KCNAB1: variants seen among roughly 807,000 people sequenced by gnomAD.
KCNAB1 encodes the protein potassium voltage-gated channel subfamily A regulatory beta subunit 1.
Under a neutral mutation model 64.6 loss-of-function variants are expected in KCNAB1, and 35 were observed. The ratio of observed to expected loss-of-function variants is 0.54; its 90% CI spans 0.41 to 0.72. The LOEUF (loss-of-function observed/expected upper bound fraction) is 0.72, where lower values mean the gene tolerates loss of function less well. KCNAB1 is among the 30% of genes least tolerant of loss of function. The pLI is 0.00. For missense variants in KCNAB1, 401 were observed against 512.9 expected, an observed-to-expected ratio of 0.78 and a Z score of 2.11; for synonymous variants, 177 against 183.8, an observed-to-expected ratio of 0.96 and a Z score of 0.30.
chr3:156,167,880 A>G (rs1199639319), intron 1 of KCNAB1, among the ~76,000 whole-genome samples: 4 of 152,106 alleles, frequency 2.6e-5, no homozygotes, highest in African/African-American at 9.7e-5. Flanking sequence ...GAGGGGTTGG[A>G]CAGAATGCTC....
chr3:156,197,580 C>G (rs1576596710), intron 1 of KCNAB1, among the ~76,000 whole-genome samples: 2 of 152,032 alleles, frequency 1.3e-5, no homozygotes, highest in East Asian at 1.9e-4. Context: ...TCTAGATTTT[C>G]TAGTTTATTT....
rs1719166681 is a variant in KCNAB1 at position 156,537,919 on chromosome 3, A to T, written c.*1172A>T. 6.6e-6 allele frequency: 1 copy of T among 152,252 alleles called. No homozygotes were observed. The highest frequency in any genetic ancestry group is 2.4e-5 in the African/African-American group (1 of 41,458). 9.4% of individuals were successfully genotyped at this position (152,252 alleles called of 1,614,324 possible). A position where few individuals can be genotyped will look rare whatever the true frequency, so the allele number is the denominator to read the frequency against. ...TAAATTGACTTGCCTAGTGAAAAGC[A>T]AAATGTTAAAGAAAGAACTTCTGGT... On this transcript the variant is annotated 3_prime_UTR_variant, in exon 14 of 14. Transcript: ENST00000490337.
intron 1 of KCNAB1, among the ~76,000 whole-genome samples, chr3:156,292,742 C>G (rs796101258): frequency 5.2e-4 from 79 of 152,272 alleles, no homozygotes; most frequent in African/African-American, 1.8e-3. Flanking sequence ...GAGCTTTCAC[C>G]ATGTTGGCCA....
intron 7 of KCNAB1, among the ~76,000 whole-genome samples, chr3:156,469,932 T>C (rs1334758508): frequency 1.3e-5 from 2 of 152,230 alleles, no homozygotes; most frequent in African/African-American, 2.4e-5. Flanking sequence ...CTTGGTTCTG[T>C]GATGAAGGTG....
chr3:156,302,324 T>C (rs1265043732), intron 1 of KCNAB1, among the ~76,000 whole-genome samples: 2 of 152,168 alleles, frequency 1.3e-5, no homozygotes, highest in African/African-American at 4.8e-5. Flanking sequence ...GAAGGTAATA[T>C]GTGCGCAGTT....
intron 8 of KCNAB1, among the ~76,000 whole-genome samples, chr3:156,512,759 C>T (rs1040249895): frequency 6.6e-6 from 1 of 152,176 alleles, no homozygotes; most frequent in Non-Finnish European, 1.5e-5. Context: ...GAATGAACTT[C>T]ATAGTTTTAG....
At chr3:156,144,230 A>G (rs1173745963) in intron 1 of KCNAB1, among the ~76,000 whole-genome samples, 1 of 152,194 alleles carries the variant, frequency 6.6e-6, no homozygotes. Context: ...CAATTTAGCA[A>G]TTGTAAGAAC....
chr3:156,339,744 C>T (rs999887410), intron 1 of KCNAB1, among the ~76,000 whole-genome samples: 2 of 152,208 alleles, frequency 1.3e-5, no homozygotes, highest in Non-Finnish European at 2.9e-5. Flanking sequence ...GGCCATTGCA[C>T]ATCTGTGACC....
chr3:156,514,406 C>T lies in KCNAB1; in HGVS notation c.701C>T (p.Ala234Val), dbSNP rs1246455398. 1.2e-6 allele frequency: 2 copies of T among 1,613,852 alleles called. No individual in the cohort carries two copies. Among genetic ancestry groups the T allele is most frequent in the East Asian group, 2.2e-5 (1 of 44,896 alleles). Residue 234 changes from alanine to valine, a missense_variant, in exon 9 of 14, where the codon GCG becomes GTG. By Grantham distance (64) the Ala-to-Val change is moderately conservative (BLOSUM62 0). Transcript: ENST00000490337. ...ACACATGTGATAAACCAAGGCATGG[C>T]GATGTACTGGGGCACCTCGAGATGG... ...AMTHVINQGM[A>V]MYWGTSRWSA...
chr3:156,459,954 G>A (rs1471487016), intron 5 of KCNAB1, 83 bp downstream of exon 5: 8 of 923,834 alleles, frequency 8.7e-6, no homozygotes, highest in Non-Finnish European at 1.4e-5. Context: ...TATGACACCT[G>A]ACCAAAAGGC....
At chr3:156,137,224 G>A (rs868593670) in intron 1 of KCNAB1, among the ~76,000 whole-genome samples, 2 of 15,926 alleles carry the variant, frequency 1.3e-4, no homozygotes, top group African/African-American at 2.0e-4. Context: ...ATACATTGGT[G>A]GGGGGGGATT....
intron 12 of KCNAB1, among the ~76,000 whole-genome samples, chr3:156,525,577 G>A (rs951070397): frequency 3.3e-5 from 5 of 152,108 alleles, no homozygotes; most frequent in African/African-American, 9.7e-5. Context: ...GTGCAGTGGC[G>A]CGATCTCGGC....
intron 1 of KCNAB1, among the ~76,000 whole-genome samples, chr3:156,395,531 C>T: frequency 1.1e-5 from 1 of 88,190 alleles, no homozygotes. Context: ...GGCGACAGAG[C>T]GAGACTCCGT....
Position 156,143,313 on chromosome 3 carries a change from T to C in KCNAB1, c.275+22427T>C, listed in dbSNP as rs747752003. On this transcript the variant is annotated intron_variant, in intron 1 of 13. Transcript: ENST00000490337. ...CTCAGCCTCAGGCGGCCTGCAAACC[T>C]GTGAGGCCCAGTGGAGCAGCCGAAC... 7 of 1,613,148 alleles carry C rather than the reference T, an allele frequency of 4.3e-6. No homozygotes were observed. In the African/African-American group the frequency reaches 9.4e-5, roughly 22 times the overall value.
At chr3:156,188,999 T>C (rs1202941104) in intron 1 of KCNAB1, among the ~76,000 whole-genome samples, 1 of 152,206 alleles carries the variant, frequency 6.6e-6, no homozygotes, top group African/African-American at 2.4e-5. Context: ...AGGTCTCTTC[T>C]TGGATCTGGA....
intron 1 of KCNAB1, among the ~76,000 whole-genome samples, chr3:156,180,939 T>C (rs1453353768): frequency 6.6e-6 from 1 of 152,186 alleles, no homozygotes; most frequent in East Asian, 1.9e-4. Flanking sequence ...CTCATAGCCC[T>C]GGACAGTGGA....
intron 1 of KCNAB1, among the ~76,000 whole-genome samples, chr3:156,154,819 A>T (rs970598345): frequency 2.6e-5 from 4 of 152,226 alleles, no homozygotes; most frequent in Admixed American, 2.0e-4. Flanking sequence ...ATGCGTTTCT[A>T]CTTCAGAGGG....
chr3:156,482,262 A>G (rs1482242138), intron 8 of KCNAB1, among the ~76,000 whole-genome samples: 1 of 151,724 alleles, frequency 6.6e-6, no homozygotes, highest in African/African-American at 2.4e-5. Context: ...TGTCTCTAGA[A>G]AAAAAAAACA....
chr3:156,184,662 G>A lies in KCNAB1; in HGVS notation c.275+63776G>A, dbSNP rs142931100. 3.3e-4 allele frequency among the ~76,000 whole-genome samples: 50 copies of A among 152,316 alleles called. No homozygotes were observed. The East Asian group carries it at 8.1e-3, about 25-fold the overall frequency. On this transcript the variant is annotated intron_variant, in intron 1 of 13. Transcript: ENST00000490337. ...TTTAAAAACAGTCTTCATAAATCAA[G>A]TGAAACAAAGCTGTCTATCTTTGCA...
Sources: gnomAD v4.1 joint callset for allele counts (sites outside exome capture counted in the v4.1 genomes callset) on GRCh38, gnomAD v4.1.1 for gene constraint, MANE v1.5 for transcripts, NCBI Gene and HGNC (gene_info 2026-07-23, HGNC 2026-07-21) for gene names.